Variants in DOCK11 observed in about 807,000 individuals in gnomAD.
DOCK11 encodes the protein dedicator of cytokinesis protein 11.
A neutral mutation model predicts 169.1 loss-of-function variants in DOCK11; 70 were observed. The ratio of observed to expected loss-of-function variants is 0.41; its 90% CI spans 0.34 to 0.51. The LOEUF (loss-of-function observed/expected upper bound fraction) is 0.51. Ranked by LOEUF, DOCK11 falls within the 20% of genes least tolerant of loss-of-function variation. The pLI is 0.10. For missense variants in DOCK11, 1,166 were observed against 1,538.8 expected, an observed-to-expected ratio of 0.76 and a Z score of 4.05; for synonymous variants, 529 against 541.3, an observed-to-expected ratio of 0.98 and a Z score of 0.32.
rs775079897 is a variant in DOCK11 at position 118,586,226 on chromosome X, G to A, written c.1795+1109G>A. Among the ~76,000 whole-genome samples the A allele has an allele frequency of 8.6e-4, 96 of 111,400 alleles. 1 individual carries two copies. In the South Asian group the frequency reaches 0.036, roughly 42 times the overall value. Reference sequence around the variant, plus strand: ...AGTGACAGATAGTATGCAAGCAAACGAGTTGTATTACTCCGTTTTTCACAC... The same window carrying A: ...AGTGACAGATAGTATGCAAGCAAACAAGTTGTATTACTCCGTTTTTCACAC... On this transcript the variant is annotated intron_variant, in intron 16 of 52. Transcript: ENST00000276202.
At position 118,676,742 on chromosome X, in the gene DOCK11, C is replaced by T. The variant is rs2016619264; in HGVS notation, c.5460+5C>T. 3 of 1,186,146 alleles carry T rather than the reference C, an allele frequency of 2.5e-6. No homozygotes were observed. Among genetic ancestry groups the T allele is most frequent in the African/African-American group, 3.5e-5 (2 of 56,729 alleles). On this transcript the variant is annotated splice_donor_5th_base_variant and intron_variant, in intron 48 of 52. Coordinates refer to ENST00000276202, the MANE Select transcript of DOCK11 (RefSeq NM_144658.4). ...ATAATTCAGGATTCAGACAAGGTAA[C>T]ACATACCCTACATGTTGAAATCATT... is the stretch of plus-strand genomic sequence containing the variant.
At chrX:118,612,454 A>G (rs1283589078) in intron 28 of DOCK11, among the ~76,000 whole-genome samples, 1 of 112,324 alleles carries the variant, frequency 8.9e-6, no homozygotes, top group Non-Finnish European at 1.9e-5. Flanking sequence ...AAGGGAATAG[A>G]ACATTTTTGG....
At chrX:118,647,035 T>C (rs946702884) in intron 40 of DOCK11, among the ~76,000 whole-genome samples, 1 of 110,708 alleles carries the variant, frequency 9.0e-6, no homozygotes, top group African/African-American at 3.3e-5. Context: ...CTGAATACAT[T>C]CTTAAAGGAA....
In DOCK11 at chrX:118,681,191, T is replaced by G; in HGVS notation, c.5805T>G (p.Ser1935=). The change falls in exon 50 of 53, where the codon TCT becomes TCG. Residue 1935 remains serine, a synonymous_variant. Coordinates refer to ENST00000276202, the MANE Select transcript of DOCK11 (RefSeq NM_144658.4). The stretch of plus-strand genomic sequence containing the variant: ...CAGAGCTGCAAAAGCTTTGCTCCTC[T>G]ACTGACGTGGACATGATTCAGCTCC... ...KTAELQKLCS[S]TDVDMIQLQL... The G allele has an allele frequency of 1.7e-6, 2 of 1,206,660 alleles. No homozygotes were observed. The highest frequency in any genetic ancestry group is 2.2e-6 in the Non-Finnish European group (2 of 893,562).
chrX:118,609,979 A>C (rs2014639470), intron 27 of DOCK11, among the ~76,000 whole-genome samples: 1 of 112,165 alleles, frequency 8.9e-6, no homozygotes, highest in African/African-American at 3.2e-5. Flanking sequence ...AAAAAAGTAG[A>C]ATGAAAACTG....
intron 28 of DOCK11, 29 bp downstream of exon 28, chrX:118,610,447 AG>A (rs760987850): frequency 1.7e-6 from 2 of 1,198,346 alleles, no homozygotes; most frequent in Non-Finnish European, 2.2e-6. Flanking sequence ...GAATGTGGTA[AG>A]GAACTCCTCT....
chrX:118,646,717 GTTAGT>G (rs754346916), intron 40 of DOCK11, among the ~76,000 whole-genome samples: 1 of 111,569 alleles, frequency 9.0e-6, no homozygotes, highest in East Asian at 2.8e-4. Flanking sequence ...TTCATCCAGA[GTTAGT>G]TTAGTTTGGT....
intron 1 of DOCK11, 45 bp downstream of exon 1, chrX:118,496,118 C>A: frequency 4.5e-6 from 4 of 888,286 alleles, no homozygotes; most frequent in South Asian, 4.3e-5. Context: ...GCGCTCCAGG[C>A]GGGAGCGACG....
intron 1 of DOCK11, among the ~76,000 whole-genome samples, chrX:118,511,936 A>C (rs2057653128): frequency 8.9e-6 from 1 of 112,296 alleles, no homozygotes. Context: ...TTTTTTGAGA[A>C]GGAGTCTCAC....
chrX:118,509,917 C>T (rs1227370477), intron 1 of DOCK11, among the ~76,000 whole-genome samples: 3 of 111,604 alleles, frequency 2.7e-5, no homozygotes, highest in Non-Finnish European at 1.9e-5. Context: ...AATGACTGGT[C>T]GAGTCTTTCT....
In DOCK11 at chrX:118,545,791, A is replaced by G. The variant is rs112273633; in HGVS notation, c.463-230A>G. 2.4e-3 allele frequency among the ~76,000 whole-genome samples: 273 copies of G among 111,731 alleles called. 1 individual carries two copies. Among genetic ancestry groups the G allele is most frequent in the African/African-American group, 8.0e-3 (246 of 30,747 alleles). ...CAGTTCGACTGTTTACATAATGCAG[A>G]AGATTTCCCAGAAGAGAGCCCATAC... is the stretch of plus-strand genomic sequence containing the variant. On this transcript the variant is annotated intron_variant, in intron 5 of 52. Coordinates refer to ENST00000276202, the MANE Select transcript of DOCK11 (RefSeq NM_144658.4).
intron 51 of DOCK11, among the ~76,000 whole-genome samples, chrX:118,682,493 A>C (rs1359437555): frequency 8.9e-6 from 1 of 111,856 alleles, no homozygotes; most frequent in African/African-American, 3.2e-5. Flanking sequence ...TGCCTGGTAC[A>C]TGCAAAAGAC....
intron 6 of DOCK11, among the ~76,000 whole-genome samples, chrX:118,552,335 GACAGTTCTTGC>G (rs1376277758): frequency 1.8e-5 from 2 of 111,643 alleles, no homozygotes; most frequent in African/African-American, 6.5e-5. Flanking sequence ...CATTCAAGTC[GACAGTTCTTGC>G]AATGACTTGC....
chrX:118,500,644 CAA>C (rs2057570160), intron 1 of DOCK11, among the ~76,000 whole-genome samples: 1 of 109,191 alleles, frequency 9.2e-6, no homozygotes, highest in African/African-American at 3.3e-5. Flanking sequence ...TTTTTTGAGA[CAA>C]AGTCTTGCTC....
intron 6 of DOCK11, among the ~76,000 whole-genome samples, chrX:118,551,704 A>G (rs948081734): frequency 2.7e-5 from 3 of 111,265 alleles, no homozygotes; most frequent in Admixed American, 1.9e-4. Context: ...TCTCTTAAAA[A>G]AAAAATTACA....
At chrX:118,499,170 A>C (rs1333198027) in intron 1 of DOCK11, among the ~76,000 whole-genome samples, 2 of 111,925 alleles carry the variant, frequency 1.8e-5, no homozygotes, top group East Asian at 5.6e-4. Flanking sequence ...TAAATTTTTA[A>C]ATTGATTTTG....
At position 118,588,137 on chromosome X, in the gene DOCK11, A is replaced by G. The variant is rs1267243946; in HGVS notation, c.1796A>G (p.Asn599Ser). ...TVECVPVDLS[N>S]CITSSYVPLK... Reference sequence around the variant, plus strand: ...TTGCCTGTTTTTTTCCCTGCTATAGATTGTATTACTTCTTCATATGTGCCC... The same window carrying G: ...TTGCCTGTTTTTTTCCCTGCTATAGGTTGTATTACTTCTTCATATGTGCCC... Residue 599 changes from asparagine to serine, a missense_variant and splice_region_variant, in exon 17 of 53, where the codon AAT becomes AGT. Asn to Ser is a conservative substitution (Grantham distance 46). Transcript: ENST00000276202. 1 of 1,176,166 alleles carries G rather than the reference A, an allele frequency of 8.5e-7. No homozygotes were observed. Among genetic ancestry groups the G allele is most frequent in the Non-Finnish European group, 1.1e-6 (1 of 880,319 alleles).
chrX:118,578,761 C>T, intron 13 of DOCK11, 114 bp downstream of exon 13: 1 of 726,616 alleles, frequency 1.4e-6, no homozygotes, highest in Admixed American at 4.1e-5. Flanking sequence ...ACATTGTATA[C>T]TGTGTATGTT....
chrX:118,639,668 C>G (rs2015480300), intron 38 of DOCK11, 91 bp downstream of exon 38: 2 of 962,885 alleles, frequency 2.1e-6, no homozygotes, highest in Non-Finnish European at 2.9e-6. Context: ...ACCATAAATA[C>G]CTTGATCATT....
Sources: allele counts gnomAD v4.1 joint callset (sites outside exome capture counted in the v4.1 genomes callset), GRCh38; gene constraint gnomAD v4.1.1; transcripts MANE v1.5; gene names NCBI Gene and HGNC (gene_info 2026-07-23, HGNC 2026-07-21).